The following DRC11 variants were observed in gnomAD, a reference collection of about 807,000 sequenced individuals.
DRC11 encodes the protein dynein regulatory complex subunit 11, also known as IQ and AAA domain-containing protein 1.
chr2:236,449,372 C>T, the DRC11 span, among the ~76,000 whole-genome samples: 1 of 152,088 alleles, frequency 6.6e-6, no homozygotes, highest in Non-Finnish European at 1.5e-5. The surrounding 1 kb of genome is among the most constrained non-coding windows in gnomAD (Gnocchi z 5.1). Flanking sequence ...CCAGGGCCAG[C>T]CAGACCTGCC....
At chr2:236,341,028 C>T in the DRC11 span, among the ~76,000 whole-genome samples, 8 of 152,204 alleles carry the variant, frequency 5.3e-5, no homozygotes, top group African/African-American at 1.7e-4. Flanking sequence ...CCTCCAAAAC[C>T]GCCGCCCCTA....
At chr2:236,493,144 C>CAAGAG in the DRC11 span, among the ~76,000 whole-genome samples, 1 of 152,078 alleles carries the variant, frequency 6.6e-6, no homozygotes, top group Admixed American at 6.5e-5. Context: ...TGGCGGCAGA[C>CAAGAG]AAGACAGTTT....
At chr2:236,346,217 G>A in the DRC11 span, among the ~76,000 whole-genome samples, 6 of 152,220 alleles carry the variant, frequency 3.9e-5, no homozygotes, top group Non-Finnish European at 7.3e-5. Flanking sequence ...CAGTGAATGA[G>A]TTGGCAGACA....
At chr2:236,487,320 G>GA in the DRC11 span, among the ~76,000 whole-genome samples, 8 of 152,278 alleles carry the variant, frequency 5.3e-5, no homozygotes, top group African/African-American at 1.9e-4. Context: ...AAACCCGAAA[G>GA]AAAACAGACT....
chr2:236,389,526 A>C, the DRC11 span, among the ~76,000 whole-genome samples: 4 of 152,044 alleles, frequency 2.6e-5, no homozygotes, highest in Admixed American at 2.6e-4. Context: ...TCGGCTCGCG[A>C]CCGGTGCGCG....
At chr2:236,342,028 C>T in the DRC11 span, among the ~76,000 whole-genome samples, 2 of 152,156 alleles carry the variant, frequency 1.3e-5, no homozygotes, top group African/African-American at 2.4e-5. This position sits in a 1 kb window ranked among gnomAD's most constrained non-coding sequence, Gnocchi z 5.8. Flanking sequence ...GCTCGGGTGG[C>T]GTCACTGATC....
chr2:236,444,288 G>T, the DRC11 span, among the ~76,000 whole-genome samples: 1 of 152,186 alleles, frequency 6.6e-6, no homozygotes, highest in Non-Finnish European at 1.5e-5. Flanking sequence ...GAATGGTATT[G>T]CCTAGATTAA....
the DRC11 span, among the ~76,000 whole-genome samples, chr2:236,423,825 T>G: frequency 1.6e-4 from 24 of 152,094 alleles, no homozygotes; most frequent in East Asian, 9.7e-4. Flanking sequence ...CGATAGACTG[T>G]ATTAAGAAAA....
the DRC11 span, chr2:236,333,011 C>T: frequency 6.6e-6 from 1 of 152,206 alleles, no homozygotes; most frequent in South Asian, 2.1e-4. The surrounding 1 kb of genome is among the most constrained non-coding windows in gnomAD (Gnocchi z 6.0). Flanking sequence ...TGGTGGGTTT[C>T]TTTGAGCTTG....
chr2:236,361,260 A>G, the DRC11 span, among the ~76,000 whole-genome samples: 5 of 152,224 alleles, frequency 3.3e-5, no homozygotes, highest in African/African-American at 1.2e-4. This position sits in a 1 kb window ranked among gnomAD's most constrained non-coding sequence, Gnocchi z 5.7. Flanking sequence ...AAATAAGAAG[A>G]TCAGAAAAAA....
chr2:236,377,803 ACATT>A, the DRC11 span, among the ~76,000 whole-genome samples: 1 of 152,248 alleles, frequency 6.6e-6, no homozygotes, highest in Non-Finnish European at 1.5e-5. This position sits in a 1 kb window ranked among gnomAD's most constrained non-coding sequence, Gnocchi z 4.9. Context: ...TATAGCCAGC[ACATT>A]GGTAATTTAT....
At chr2:236,373,647 T>G in the DRC11 span, among the ~76,000 whole-genome samples, 1 of 152,266 alleles carries the variant, frequency 6.6e-6, no homozygotes, top group Admixed American at 6.5e-5. Context: ...TATTCTTTTT[T>G]TCTTATGATA....
chr2:236,375,429 C>G, the DRC11 span, among the ~76,000 whole-genome samples: 1 of 152,192 alleles, frequency 6.6e-6, no homozygotes, highest in East Asian at 1.9e-4. The surrounding 1 kb of genome is among the most constrained non-coding windows in gnomAD (Gnocchi z 4.2). Flanking sequence ...CTGTTAAAAA[C>G]AGCCATTTTA....
the DRC11 span, chr2:236,493,911 A>C: frequency 6.4e-7 from 1 of 1,567,356 alleles, no homozygotes; most frequent in African/African-American, 1.4e-5. Context: ...AGAATAAAAA[A>C]GAGTATTTCC....
chr2:236,356,763 A>C, the DRC11 span, among the ~76,000 whole-genome samples: 2 of 151,728 alleles, frequency 1.3e-5, no homozygotes, highest in African/African-American at 2.4e-5. Flanking sequence ...ATACAGACTC[A>C]AGGAGACTGG....
the DRC11 span, among the ~76,000 whole-genome samples, chr2:236,489,078 G>T: frequency 6.7e-6 from 1 of 148,690 alleles, no homozygotes; most frequent in African/African-American, 2.5e-5. Context: ...GTGCATGCTG[G>T]GGCCTGTGTG....
chr2:236,506,547 C>T, the DRC11 span, among the ~76,000 whole-genome samples: 7 of 152,312 alleles, frequency 4.6e-5, no homozygotes, highest in Admixed American at 1.3e-4. This position sits in a 1 kb window ranked among gnomAD's most constrained non-coding sequence, Gnocchi z 4.9. Flanking sequence ...AGCTACAGTG[C>T]CCGGCTTGGC....
At chr2:236,389,336 G>C in the DRC11 span, among the ~76,000 whole-genome samples, 24 of 152,104 alleles carry the variant, frequency 1.6e-4, no homozygotes, top group Non-Finnish European at 2.4e-4. Context: ...TAGGACCCTC[G>C]GAGCCAGGTG....
the DRC11 span, among the ~76,000 whole-genome samples, chr2:236,437,664 GT>G: frequency 6.6e-6 from 1 of 151,020 alleles, no homozygotes; most frequent in Admixed American, 6.6e-5. Flanking sequence ...TCTCATTGTG[GT>G]TTTGATTTGC....
Sources: gnomAD v4.1 joint callset for allele counts (sites outside exome capture counted in the v4.1 genomes callset) on GRCh38, gnomAD v4.1.1 for gene constraint, Gnocchi (gnomAD v3.1) non-coding constraint, MANE v1.5 for transcripts, NCBI Gene and HGNC (gene_info 2026-07-23, HGNC 2026-07-21) for gene names.